The following JARID2 variants were observed in gnomAD, a reference collection of about 807,000 sequenced individuals.
The protein encoded by JARID2 is jumonji and AT-rich interaction domain containing 2.
A neutral mutation model predicts 125.6 loss-of-function variants in JARID2; 21 were observed. The observed-to-expected ratio is 0.17, with a 90% CI of 0.12 to 0.24. JARID2 has a LOEUF of 0.24. Among genes scored for constraint, JARID2 ranks in the 10% least tolerant of loss-of-function variants. The pLI, the probability that JARID2 is intolerant of heterozygous loss-of-function variation, is 1.00. For synonymous variants in JARID2, 736 were observed against 661.6 expected (o/e 1.11, Z -1.73); for missense variants, 1,303 against 1,639.6 (o/e 0.79, Z 3.55).
chr6:15,261,803 A>G (rs543820965), intron 1 of JARID2, among the ~76,000 whole-genome samples: 2 of 108,052 alleles, frequency 1.9e-5, no homozygotes, highest in Non-Finnish European at 3.6e-5. Context: ...TTTTTTTTTG[A>G]GATGGAGCCT....
intron 5 of JARID2, among the ~76,000 whole-genome samples, chr6:15,480,838 G>T (rs1263126939): frequency 6.6e-6 from 1 of 152,198 alleles, no homozygotes; most frequent in Admixed American, 6.5e-5. Flanking sequence ...GTCTGTGCAT[G>T]GAGTGAGGGT....
At chr6:15,262,533 AT>A (rs35864895) in intron 1 of JARID2, among the ~76,000 whole-genome samples, 3,734 of 116,434 alleles carry the variant, frequency 0.032, 48 homozygotes, top group Non-Finnish European at 0.044. Context: ...TGGTTTGGCT[AT>A]TTTTTTTTTT....
At chr6:15,259,772 G>A (rs572658619) in intron 1 of JARID2, among the ~76,000 whole-genome samples, 1 of 152,044 alleles carries the variant, frequency 6.6e-6, no homozygotes, top group African/African-American at 2.4e-5. Context: ...TTTGATGGGG[G>A]TTACTTTTAT....
intron 3 of JARID2, among the ~76,000 whole-genome samples, chr6:15,415,455 A>ACCTC (rs70996546): frequency 0.088 from 11,964 of 136,540 alleles, 626 homozygotes; most frequent in Middle Eastern, 0.17. Flanking sequence ...TGACACCCCC[A>ACCTC]CCTCCCTCCC....
chr6:15,462,568 G>T (rs1326623372), intron 4 of JARID2, among the ~76,000 whole-genome samples: 1 of 152,196 alleles, frequency 6.6e-6, no homozygotes, highest in East Asian at 1.9e-4. Context: ...TTGAAGTTTT[G>T]TTTCTTAATT....
At chr6:15,277,983 C>T (rs1760599741) in intron 1 of JARID2, among the ~76,000 whole-genome samples, 1 of 152,164 alleles carries the variant, frequency 6.6e-6, no homozygotes, top group Non-Finnish European at 1.5e-5. Context: ...CGCAGTGGTT[C>T]ATGCCTGTAA....
At chr6:15,516,027 A>G (rs114944643) in intron 16 of JARID2, among the ~76,000 whole-genome samples, 1 of 150,516 alleles carries the variant, frequency 6.6e-6, no homozygotes, top group African/African-American at 2.4e-5. Context: ...ATAAATCCAT[A>G]GGCAAAAATT....
chr6:15,298,457 G>C (rs932891836), intron 1 of JARID2, among the ~76,000 whole-genome samples: 1 of 151,990 alleles, frequency 6.6e-6, no homozygotes, highest in African/African-American at 2.4e-5. Context: ...AGGCAGAGGC[G>C]GATGGATTAT....
At chr6:15,275,011 G>A (rs1165412318) in intron 1 of JARID2, among the ~76,000 whole-genome samples, 1 of 152,180 alleles carries the variant, frequency 6.6e-6, no homozygotes, top group African/African-American at 2.4e-5. Flanking sequence ...AACTTCAAGA[G>A]CCCTTCTGGT....
chr6:15,458,074 T>C (rs1051019212), intron 4 of JARID2, among the ~76,000 whole-genome samples: 1 of 152,182 alleles, frequency 6.6e-6, no homozygotes, highest in African/African-American at 2.4e-5. Flanking sequence ...TTAGTATCTT[T>C]CACTGGCACA....
intron 1 of JARID2, among the ~76,000 whole-genome samples, chr6:15,367,451 A>G (rs944501564): frequency 6.6e-6 from 1 of 152,094 alleles, no homozygotes; most frequent in Non-Finnish European, 1.5e-5. Context: ...TTTTTCATAT[A>G]TTGTTTACAT....
At chr6:15,475,481 C>G (rs180680824) in intron 5 of JARID2, among the ~76,000 whole-genome samples, 1 of 152,188 alleles carries the variant, frequency 6.6e-6, no homozygotes, top group Non-Finnish European at 1.5e-5. Context: ...CTCGCTTCGC[C>G]GTGCAACTAG....
At chr6:15,391,763 G>A (rs1765018997) in intron 2 of JARID2, among the ~76,000 whole-genome samples, 3 of 152,174 alleles carry the variant, frequency 2.0e-5, no homozygotes, top group South Asian at 2.1e-4. Context: ...AGCAAGGCAT[G>A]CCTTCACTGG....
chr6:15,404,523 A>G (rs1328377195), intron 2 of JARID2, among the ~76,000 whole-genome samples: 134 of 2,322 alleles, frequency 0.058, no homozygotes, highest in African/African-American at 0.091. Flanking sequence ...TAAAGTGCAC[A>G]CACACACACA....
rs1312477494 is a variant in JARID2, at chr6:15,320,329, A to G, written c.46-53788A>G. ...GTTAGGTTAACTCTGTTTCTTTTCC[A>G]TCATAACCAGTTGAAAAGAGGAAGA... On this transcript the variant is annotated intron_variant, in intron 1 of 17. Coordinates refer to ENST00000341776, the MANE Select transcript of JARID2 (RefSeq NM_004973.4). 2.6e-5 allele frequency among the ~76,000 whole-genome samples: 4 copies of G among 152,234 alleles called. No homozygotes were observed. In the East Asian group the frequency reaches 5.8e-4, roughly 22 times the overall value.
intron 1 of JARID2, among the ~76,000 whole-genome samples, chr6:15,308,784 A>G (rs961004310): frequency 2.0e-5 from 3 of 152,252 alleles, no homozygotes; most frequent in African/African-American, 7.2e-5. Flanking sequence ...TTGATCCACC[A>G]TGACTTTTGC....
intron 1 of JARID2, among the ~76,000 whole-genome samples, chr6:15,326,697 C>T (rs567026444): frequency 1.4e-4 from 21 of 152,310 alleles, no homozygotes; most frequent in Admixed American, 1.1e-3. Flanking sequence ...GACATGGTTT[C>T]ACCATGTTGG....
intron 1 of JARID2, chr6:15,248,821 A>C (rs889147176): frequency 1.8e-5 from 14 of 769,936 alleles, no homozygotes; most frequent in Non-Finnish European, 2.2e-5. Context: ...GGGAGGCTCC[A>C]GGCGCGGCGG....
intron 8 of JARID2, among the ~76,000 whole-genome samples, chr6:15,502,755 A>G (rs1382090604): frequency 6.6e-6 from 1 of 152,110 alleles, no homozygotes; most frequent in Non-Finnish European, 1.5e-5. Flanking sequence ...AGACCCTGAG[A>G]GGGTTTGGCT....
Sources: gnomAD v4.1 joint callset for allele counts (sites outside exome capture counted in the v4.1 genomes callset) on GRCh38, gnomAD v4.1.1 for gene constraint, MANE v1.5 for transcripts, NCBI Gene and HGNC (gene_info 2026-07-23, HGNC 2026-07-21) for gene names.